Variants in B3GALT1 observed in about 807,000 individuals in gnomAD.
B3GALT1 encodes beta-1,3-galactosyltransferase 1, also known as UDP-Gal:betaGlcNAc beta 1,3-galactosyltransferase, polypeptide 1.
Under a neutral mutation model 23.2 loss-of-function variants are expected in B3GALT1, and 10 were observed. The observed-to-expected ratio is 0.43, with a 90% CI of 0.27 to 0.73. The LOEUF (loss-of-function observed/expected upper bound fraction) is 0.73. B3GALT1 is among the 30% of genes least tolerant of loss of function. B3GALT1 has a pLI of 0.21. For missense variants in B3GALT1, 299 were observed against 405.4 expected, an observed-to-expected ratio of 0.74 and a Z score of 2.25; for synonymous variants, 156 against 141.5, an observed-to-expected ratio of 1.10 and a Z score of -0.73.
At chr2:167,808,248 C>T (rs1688802653) in intron 3 of B3GALT1, among the ~76,000 whole-genome samples, 1 of 150,962 alleles carries the variant, frequency 6.6e-6, no homozygotes, top group Admixed American at 6.6e-5. Context: ...GGTCTTGACT[C>T]TTTATCCAAT....
intron 2 of B3GALT1, among the ~76,000 whole-genome samples, chr2:167,527,859 T>C (rs1389558825): frequency 6.6e-6 from 1 of 152,182 alleles, no homozygotes; most frequent in African/African-American, 2.4e-5. Context: ...GTTTGTCTAC[T>C]CTAACCAGAA....
intron 2 of B3GALT1, among the ~76,000 whole-genome samples, chr2:167,591,776 C>T (rs1684686719): frequency 6.6e-6 from 1 of 151,908 alleles, no homozygotes; most frequent in African/African-American, 2.4e-5. Flanking sequence ...CCTGGCCTGA[C>T]CTGTTTTTGT....
In B3GALT1 at chr2:167,808,088, G is replaced by T. The variant is rs534242738; in HGVS notation, c.-351-10584G>T. Among the ~76,000 whole-genome samples, 8 of 151,764 alleles carry T rather than the reference G, an allele frequency of 5.3e-5. No individual in the cohort carries two copies. In the East Asian group the frequency reaches 1.5e-3, roughly 29 times the overall value. On this transcript the variant is annotated intron_variant, in intron 3 of 4. Coordinates refer to ENST00000392690, the MANE Select transcript of B3GALT1 (RefSeq NM_020981.4). ...TCTTTGTCTCTTTTGATCTTTGTTG[G>T]TTTAAAGTCTGTTTTATCAGAGACT...
intron 1 of B3GALT1, among the ~76,000 whole-genome samples, chr2:167,468,468 T>A (rs1699379435): frequency 6.6e-6 from 1 of 152,118 alleles, no homozygotes; most frequent in African/African-American, 2.4e-5. Context: ...TCTAAGTAAA[T>A]ACAGAAAAGA....
At position 167,341,495 on chromosome 2, in the gene B3GALT1, C is replaced by T. The variant is rs539293069; in HGVS notation, c.-511+48161C>T. 7.2e-5 allele frequency among the ~76,000 whole-genome samples: 11 copies of T among 152,226 alleles called. No individual in the cohort carries two copies. In the South Asian group the frequency reaches 1.9e-3, roughly 26 times the overall value. The stretch of plus-strand genomic sequence containing the variant: ...TGGCCAATGTGGCGAAACCCTGTCT[C>T]TACAAAAAATGCAAAAATTAGCCAG... On this transcript the variant is annotated intron_variant, in intron 1 of 4. Coordinates refer to ENST00000392690, the MANE Select transcript of B3GALT1 (RefSeq NM_020981.4).
intron 3 of B3GALT1, among the ~76,000 whole-genome samples, chr2:167,695,943 G>A (rs1686785604): frequency 6.6e-6 from 1 of 152,058 alleles, no homozygotes; most frequent in Non-Finnish European, 1.5e-5. Flanking sequence ...TGTCTGTTGT[G>A]TATTTTCTTT....
intron 1 of B3GALT1, among the ~76,000 whole-genome samples, chr2:167,317,364 TC>T (rs1216657502): frequency 6.6e-6 from 1 of 152,018 alleles, no homozygotes; most frequent in East Asian, 1.9e-4. Flanking sequence ...TCTTGTGGGC[TC>T]CAAGTATGGA....
In B3GALT1 at chr2:167,351,599, G is replaced by T. The variant is rs941080167; in HGVS notation, c.-511+58265G>T. Among the ~76,000 whole-genome samples the T allele has an allele frequency of 4.3e-4, 65 of 152,004 alleles. 1 individual carries two copies. The highest frequency in any genetic ancestry group is 7.9e-4 in the Non-Finnish European group (54 of 67,982). On this transcript the variant is annotated intron_variant, in intron 1 of 4. Transcript: ENST00000392690. ...GTACACAAGTGTGTGTAGAGGAGTG[G>T]TCAGGATTGAAGATTTGTTTGATGT...
intron 2 of B3GALT1, among the ~76,000 whole-genome samples, chr2:167,587,692 A>C (rs1300473469): frequency 2.0e-5 from 3 of 152,204 alleles, no homozygotes. Flanking sequence ...CTCCTTGAAT[A>C]CTGAGTTTGT....
intron 1 of B3GALT1, among the ~76,000 whole-genome samples, chr2:167,409,042 C>T (rs563388447): frequency 1.3e-5 from 2 of 152,110 alleles, no homozygotes; most frequent in Non-Finnish European, 1.5e-5. Flanking sequence ...TATCTGGAAG[C>T]ACAAAAGATC....
chr2:167,613,218 A>G (rs547921200), intron 2 of B3GALT1, among the ~76,000 whole-genome samples: 2 of 151,908 alleles, frequency 1.3e-5, no homozygotes, highest in Non-Finnish European at 2.9e-5. Context: ...AAAAAGTTTT[A>G]ATGTTAACGA....
intron 2 of B3GALT1, among the ~76,000 whole-genome samples, chr2:167,588,599 T>C (rs1302767861): frequency 6.6e-5 from 10 of 152,174 alleles, no homozygotes; most frequent in Admixed American, 1.3e-4. Flanking sequence ...TATTTTACTT[T>C]GCCTTTATTT....
intron 3 of B3GALT1, among the ~76,000 whole-genome samples, chr2:167,661,326 T>A (rs1320643281): frequency 1.3e-5 from 2 of 152,060 alleles, no homozygotes; most frequent in African/African-American, 4.8e-5. Flanking sequence ...GCTGAACTGA[T>A]GCTTGAGTTA....
intron 3 of B3GALT1, among the ~76,000 whole-genome samples, chr2:167,656,008 G>A (rs1189907110): frequency 6.6e-6 from 1 of 152,114 alleles, no homozygotes; most frequent in African/African-American, 2.4e-5. Context: ...CAGCCCCTCT[G>A]GAAGTCCTCG....
At chr2:167,780,485 C>T (rs976739912) in intron 3 of B3GALT1, among the ~76,000 whole-genome samples, 6 of 152,200 alleles carry the variant, frequency 3.9e-5, no homozygotes, top group Admixed American at 1.3e-4. Flanking sequence ...CAGGCACTTT[C>T]AAATAGGTAG....
intron 4 of B3GALT1, among the ~76,000 whole-genome samples, chr2:167,819,287 T>G (rs1241317544): frequency 6.6e-6 from 1 of 152,206 alleles, no homozygotes; most frequent in Non-Finnish European, 1.5e-5. Context: ...TGAAGTAAAC[T>G]CATCCCACAG....
intron 2 of B3GALT1, among the ~76,000 whole-genome samples, chr2:167,543,103 C>T (rs913707553): frequency 5.3e-5 from 8 of 152,016 alleles, no homozygotes; most frequent in Admixed American, 1.3e-4. Flanking sequence ...TAATTATGTT[C>T]TCAGCTCAGT....
At chr2:167,599,676 A>G (rs1373731092) in intron 2 of B3GALT1, among the ~76,000 whole-genome samples, 2 of 152,210 alleles carry the variant, frequency 1.3e-5, no homozygotes, top group East Asian at 1.9e-4. Flanking sequence ...AGAACATTTC[A>G]TTTTACATCT....
chr2:167,338,388 A>T lies in B3GALT1; in HGVS notation c.-511+45054A>T, dbSNP rs1697093480. On this transcript the variant is annotated intron_variant, in intron 1 of 4. Coordinates refer to ENST00000392690, the MANE Select transcript of B3GALT1 (RefSeq NM_020981.4). The stretch of plus-strand genomic sequence containing the variant: ...CTATCTGGATCACTAACATAATACT[A>T]AAAGTATATACAAAGCAGTAAAATG... Among the ~76,000 whole-genome samples, 3 of 152,270 alleles carry T rather than the reference A, an allele frequency of 2.0e-5. No homozygotes were observed. The South Asian group carries it at 6.2e-4, about 32-fold the overall frequency.
Sources: gnomAD v4.1 joint callset for allele counts (sites outside exome capture counted in the v4.1 genomes callset) on GRCh38, gnomAD v4.1.1 for gene constraint, MANE v1.5 for transcripts, NCBI Gene and HGNC (gene_info 2026-07-23, HGNC 2026-07-21) for gene names.